The following FBN2 variants were observed in gnomAD, a reference collection of about 807,000 sequenced individuals.
The protein encoded by FBN2 is fibrillin-2.
FBN2 carries 105 observed loss-of-function variants against 355.6 expected under a neutral mutation model. That is an observed-to-expected ratio of 0.30 (90% CI 0.25 to 0.35). FBN2 has a LOEUF of 0.35. Among genes scored for constraint, FBN2 ranks in the 10% least tolerant of loss-of-function variants. The pLI is 1.00. For missense variants in FBN2, 3,280 were observed against 3,758.7 expected (o/e 0.87, Z 3.33); for synonymous variants, 1,350 against 1,301.2 (o/e 1.04, Z -0.81).
chr5:128,318,579 T>A (rs1332112940), intron 35 of FBN2, among the ~76,000 whole-genome samples: 1 of 149,322 alleles, frequency 6.7e-6, no homozygotes, highest in East Asian at 1.9e-4. Flanking sequence ...TATATACATG[T>A]ATATATATAT....
intron 15 of FBN2, among the ~76,000 whole-genome samples, chr5:128,369,637 T>C (rs994001223): frequency 6.6e-5 from 10 of 152,224 alleles, no homozygotes; most frequent in African/African-American, 2.4e-4. Context: ...ATTTCCACAG[T>C]TATAAAGAAT....
At chr5:128,385,587 C>T (rs559713000) in intron 11 of FBN2, among the ~76,000 whole-genome samples, 2 of 152,216 alleles carry the variant, frequency 1.3e-5, no homozygotes, top group South Asian at 4.1e-4. Flanking sequence ...ATTGCTGGGT[C>T]GAATGGTAGC....
At chr5:128,526,910 A>T (rs1756575778) in intron 4 of FBN2, among the ~76,000 whole-genome samples, 1 of 152,152 alleles carries the variant, frequency 6.6e-6, no homozygotes, top group African/African-American at 2.4e-5. Flanking sequence ...ACAACAATTT[A>T]AAAAAATTTT....
Position 128,328,816 on chromosome 5 carries a change from C to G in FBN2, c.4351G>C (p.Asp1451His), listed in dbSNP as rs1160384371. The change falls in exon 34 of 65, where the codon GAT (aspartate) becomes CAT (histidine). Residue 1451 changes from aspartate to histidine, a missense_variant. By Grantham distance (81) the Asp-to-His change is moderately conservative. This residue lies in a region of FBN2 where 2,284 missense variants were observed against 2,749.5 expected (regional missense o/e 0.83). Coordinates refer to ENST00000262464, the MANE Select transcript of FBN2 (RefSeq NM_001999.4). Reference sequence around the variant, plus strand: ...AGGTTTATGTTTTCTGCACACTCATCAACATCTGTGCAAAAAAGCAAATTA... The same window carrying G: ...AGGTTTATGTTTTCTGCACACTCATGAACATCTGTGCAAAAAAGCAAATTA... ...TGDGFTCSDV[D>H]ECAENINLCE... 6.2e-7 allele frequency: 1 copy of G among 1,614,122 alleles called. No individual in the cohort carries two copies. Among genetic ancestry groups the G allele is most frequent in the Admixed American group, 1.7e-5 (1 of 60,014 alleles).
chr5:128,386,767 C>A (rs1028912660), intron 11 of FBN2, among the ~76,000 whole-genome samples: 1 of 152,086 alleles, frequency 6.6e-6, no homozygotes, highest in South Asian at 2.1e-4. Flanking sequence ...GCTGAACTCA[C>A]CTTGCATCCT....
chr5:128,523,910 A>T (rs900087950), intron 4 of FBN2, among the ~76,000 whole-genome samples: 1 of 151,956 alleles, frequency 6.6e-6, no homozygotes, highest in African/African-American at 2.4e-5. Context: ...GTAGCCTCCT[A>T]CATGGCCCTT....
At chr5:128,533,323 G>A (rs1157643432) in intron 2 of FBN2, among the ~76,000 whole-genome samples, 1 of 152,184 alleles carries the variant, frequency 6.6e-6, no homozygotes, top group Non-Finnish European at 1.5e-5. Flanking sequence ...TGATGGGCTG[G>A]AGACTGAGCA....
chr5:128,325,671 T>C (rs1333271217), intron 34 of FBN2, among the ~76,000 whole-genome samples: 3 of 152,224 alleles, frequency 2.0e-5, no homozygotes, highest in Admixed American at 6.5e-5. Context: ...ACCTTTTTTC[T>C]AGTTGATTTT....
rs140860730 is a variant in FBN2, at chr5:128,270,778, A to G, written c.7960+1221T>C. Among the ~76,000 whole-genome samples the G allele has an allele frequency of 1.7e-4, 26 of 152,356 alleles. No homozygotes were observed. In the East Asian group the frequency reaches 4.2e-3, roughly 25 times the overall value. On this transcript the variant is annotated intron_variant, in intron 62 of 64. Coordinates refer to ENST00000262464, the MANE Select transcript of FBN2 (RefSeq NM_001999.4). ...AAAAATACTGTTTCTGATATTCTAA[A>G]GAGTGTGCCATACACTTTGCCTTTG...
intron 58 of FBN2, 122 bp downstream of exon 58, chr5:128,277,758 T>C (rs1326664987): frequency 1.1e-5 from 13 of 1,170,878 alleles, no homozygotes; most frequent in Non-Finnish European, 1.6e-5. Context: ...GATGGCAACA[T>C]TTTAATAAAA....
chr5:128,382,508 G>A (rs938943233), intron 11 of FBN2, among the ~76,000 whole-genome samples: 54 of 152,158 alleles, frequency 3.5e-4, no homozygotes, highest in African/African-American at 1.3e-3. Context: ...CCTGTGTGTT[G>A]TTGACTCCTA....
chr5:128,297,295 G>T (rs866395301), intron 48 of FBN2, among the ~76,000 whole-genome samples: 1 of 152,118 alleles, frequency 6.6e-6, no homozygotes, highest in Non-Finnish European at 1.5e-5. Context: ...GTGTGGTGCT[G>T]AAAAAAATGT....
chr5:128,359,432 T>C (rs188258825), intron 19 of FBN2, among the ~76,000 whole-genome samples: 4 of 152,180 alleles, frequency 2.6e-5, no homozygotes. Flanking sequence ...AAGAGATTAG[T>C]AGCCTTCAAG....
intron 9 of FBN2, among the ~76,000 whole-genome samples, chr5:128,394,798 A>G (rs1752603103): frequency 6.6e-6 from 1 of 152,070 alleles, no homozygotes; most frequent in Admixed American, 6.5e-5. Flanking sequence ...ATATACATAT[A>G]TTTTTGAGAC....
intron 34 of FBN2, among the ~76,000 whole-genome samples, chr5:128,324,190 T>C (rs539506634): frequency 6.6e-6 from 1 of 152,220 alleles, no homozygotes; most frequent in African/African-American, 2.4e-5. Flanking sequence ...TGTCTTCTTA[T>C]TTGTCTCACT....
intron 5 of FBN2, among the ~76,000 whole-genome samples, chr5:128,478,244 C>A (rs962960002): frequency 6.6e-6 from 1 of 152,120 alleles, no homozygotes; most frequent in African/African-American, 2.4e-5. Context: ...GTCTAAGAAG[C>A]CAGACACACA....
intron 18 of FBN2, among the ~76,000 whole-genome samples, chr5:128,362,279 T>C (rs760664109): frequency 6.6e-6 from 1 of 152,354 alleles, no homozygotes; most frequent in East Asian, 1.9e-4. Flanking sequence ...TATGTCTTCA[T>C]GTCCCAGATG....
At chr5:128,260,765 T>C (rs553139116) in intron 64 of FBN2, among the ~76,000 whole-genome samples, 2 of 152,244 alleles carry the variant, frequency 1.3e-5, no homozygotes, top group East Asian at 1.9e-4. Flanking sequence ...AGTCAGGTCA[T>C]ATAGACAAAG....
chr5:128,492,419 G>A (rs949809985), intron 5 of FBN2, among the ~76,000 whole-genome samples: 1 of 152,212 alleles, frequency 6.6e-6, no homozygotes, highest in Non-Finnish European at 1.5e-5. Context: ...TCTGCACAAA[G>A]AGGCAGCTAC....
Sources: allele counts gnomAD v4.1 joint callset (sites outside exome capture counted in the v4.1 genomes callset), GRCh38; gene constraint gnomAD v4.1.1; regional missense constraint gnomAD v4.1.1; transcripts MANE v1.5; gene names NCBI Gene and HGNC (gene_info 2026-07-23, HGNC 2026-07-21).